Variants in AADACL4 observed in about 807,000 individuals in gnomAD.
AADACL4 encodes the protein arylacetamide deacetylase-like 4.
AADACL4 carries 9 observed loss-of-function variants against 14.1 expected under a neutral mutation model. That is an observed-to-expected ratio of 0.64 (90% CI 0.39 to 1.12). AADACL4 has a LOEUF of 1.12. Ranked by LOEUF, AADACL4 falls within the 50% of genes most tolerant of loss-of-function variation. The probability of loss-of-function intolerance (pLI) is 0.01; values close to 1 mark genes in which losing one functional copy is unlikely to be tolerated. For missense variants in AADACL4, 531 were observed against 516.1 expected (o/e 1.03, Z -0.28); for synonymous variants, 188 against 201.6 (o/e 0.93, Z 0.57).
At chr1:12,651,091 A>G in intron 1 of AADACL4, 32 bp from the exon 2 acceptor site, 4 of 1,593,644 alleles carry the variant, frequency 2.5e-6, no homozygotes, top group Non-Finnish European at 2.6e-6. Context: ...AACCTCTCCT[A>G]ACGTCTGGCT....
chr1:12,657,909 A>T (rs910828296), intron 2 of AADACL4, among the ~76,000 whole-genome samples: 1 of 152,080 alleles, frequency 6.6e-6, no homozygotes, highest in Non-Finnish European at 1.5e-5. Context: ...GGGTTTTATC[A>T]GTCTCTAGCT....
chr1:12,647,324 C>T (rs985429984), intron 1 of AADACL4, among the ~76,000 whole-genome samples: 3 of 152,046 alleles, frequency 2.0e-5, no homozygotes, highest in African/African-American at 7.2e-5. Context: ...ATCTTAAACT[C>T]CTGGATTCAA....
At chr1:12,658,139 CCTTTCTTT>C (rs1191457132) in intron 2 of AADACL4, among the ~76,000 whole-genome samples, 58 of 84,930 alleles carry the variant, frequency 6.8e-4, no homozygotes, top group Non-Finnish European at 9.6e-4. Flanking sequence ...TTCCTTCCTT[CCTTTCTTT>C]CTTTCTTTCT....
In AADACL4 at chr1:12,666,107, T is replaced by G. The variant is rs1382296760; in HGVS notation, c.596T>G (p.Val199Gly). Residue 199 changes from valine to glycine, a missense_variant, in exon 4 of 4, where the codon GTG (valine) becomes GGG (glycine). Coordinates refer to ENST00000376221, the MANE Select transcript of AADACL4 (RefSeq NM_001013630.2). Reference protein sequence around the residue: ...VCGESVGGAAVAAITQALVGR... With the variant: ...VCGESVGGAAGAAITQALVGR... ...GGAGAAAGCGTCGGAGGTGCAGCGGTGGCCGCCATCACCCAGGCCTTGGTG... is the reference window on the plus strand; with the variant it reads ...GGAGAAAGCGTCGGAGGTGCAGCGGGGGCCGCCATCACCCAGGCCTTGGTG... 1 of 1,614,104 alleles carries G rather than the reference T, an allele frequency of 6.2e-7. No individual in the cohort carries two copies. Among genetic ancestry groups the G allele is most frequent in the Non-Finnish European group, 8.5e-7 (1 of 1,180,042 alleles).
chr1:12,644,738 CG>C, intron 1 of AADACL4, 24 bp downstream of exon 1: 1 of 1,610,348 alleles, frequency 6.2e-7, no homozygotes, highest in South Asian at 1.1e-5. Context: ...CAGGCCACGT[CG>C]TAACCTGGGG....
Position 12,666,461 on chromosome 1 carries a change from A to T in AADACL4, c.950A>T (p.His317Leu). ...FNEAAYLEAK[H>L]MLDVENSPLI... ...GAAGCTGCCTATCTAGAAGCCAAAC[A>T]TATGCTGGATGTAGAAAATTCACCC... is the stretch of plus-strand genomic sequence containing the variant. The change falls in exon 4 of 4, where the codon CAT becomes CTT. Residue 317 changes from histidine to leucine, a missense_variant. His to Leu is a moderately conservative substitution (Grantham distance 99, BLOSUM62 -3). Coordinates refer to ENST00000376221, the MANE Select transcript of AADACL4 (RefSeq NM_001013630.2). 1 of 1,614,170 alleles carries T rather than the reference A, an allele frequency of 6.2e-7. No individual in the cohort carries two copies. Among genetic ancestry groups the T allele is most frequent in the Non-Finnish European group, 8.5e-7 (1 of 1,180,026 alleles).
intron 2 of AADACL4, among the ~76,000 whole-genome samples, chr1:12,657,140 C>CAAA (rs59777423): frequency 0.027 from 1,402 of 51,052 alleles, 63 homozygotes; most frequent in African/African-American, 0.08. Flanking sequence ...AAGACTGTCT[C>CAAA]AAAAAAAAAA....
In AADACL4 at chr1:12,651,292, G is replaced by C; in HGVS notation, c.338G>C (p.Arg113Pro). ...QPKAASSRPRRGIIFYHGGAT... is the reference protein window; with the variant it reads ...QPKAASSRPRPGIIFYHGGAT... ...AAGGCAGCATCCTCCAGACCCCGGC[G>C]AGGCATCATCTTCTACCATGGAGGG... The change falls in exon 2 of 4, where the codon CGA becomes CCA. Residue 113 changes from arginine to proline, a missense_variant. Coordinates refer to ENST00000376221, the MANE Select transcript of AADACL4 (RefSeq NM_001013630.2). The C allele has an allele frequency of 6.2e-7, 1 of 1,614,216 alleles. No individual in the cohort carries two copies. The highest frequency in any genetic ancestry group is 8.5e-7 in the Non-Finnish European group (1 of 1,180,046).
At chr1:12,662,658 G>C (rs530796045) in intron 3 of AADACL4, among the ~76,000 whole-genome samples, 112 of 152,256 alleles carry the variant, frequency 7.4e-4, no homozygotes, top group African/African-American at 2.6e-3. Context: ...AGGCCAGCGA[G>C]AGAAATTAAA....
At chr1:12,661,968 A>G (rs1647235674) in intron 3 of AADACL4, 114 bp downstream of exon 3, 10 of 1,149,524 alleles carry the variant, frequency 8.7e-6, no homozygotes, top group African/African-American at 1.5e-5. Flanking sequence ...ACTCTTGGAC[A>G]TGCATCCACA....
At chr1:12,665,731 G>C (rs1344029688) in intron 3 of AADACL4, among the ~76,000 whole-genome samples, 1 of 152,166 alleles carries the variant, frequency 6.6e-6, no homozygotes, top group African/African-American at 2.4e-5. Context: ...TAGAGTTTAC[G>C]GGAAGCTGAC....
At chr1:12,664,514 C>A (rs902134172) in intron 3 of AADACL4, among the ~76,000 whole-genome samples, 3 of 151,872 alleles carry the variant, frequency 2.0e-5, no homozygotes, top group African/African-American at 7.3e-5. Context: ...TTACAGGCTC[C>A]CACCACCACA....
intron 2 of AADACL4, among the ~76,000 whole-genome samples, chr1:12,653,667 C>A (rs1428951067): frequency 1.3e-5 from 2 of 152,188 alleles, no homozygotes; most frequent in Non-Finnish European, 2.9e-5. Flanking sequence ...AAAACCTTGG[C>A]ACACCCAGGA....
chr1:12,646,731 C>T (rs146858365), intron 1 of AADACL4, among the ~76,000 whole-genome samples: 6 of 152,334 alleles, frequency 3.9e-5, no homozygotes, highest in African/African-American at 7.2e-5. Flanking sequence ...CTGCTATGGG[C>T]TGTTCACAGG....
At chr1:12,661,410 C>T (rs768581261) in intron 2 of AADACL4, among the ~76,000 whole-genome samples, 4 of 152,182 alleles carry the variant, frequency 2.6e-5, no homozygotes, top group African/African-American at 7.2e-5. Context: ...AGAAACATCC[C>T]GTCCAACCCT....
intron 2 of AADACL4, among the ~76,000 whole-genome samples, chr1:12,657,890 G>A (rs1049837968): frequency 6.6e-6 from 1 of 152,046 alleles, no homozygotes; most frequent in East Asian, 1.9e-4. Context: ...CCAACACCCT[G>A]GCTTTTCAGG....
chr1:12,649,239 C>A (rs2100758354), intron 1 of AADACL4, among the ~76,000 whole-genome samples: 1 of 152,312 alleles, frequency 6.6e-6, no homozygotes, highest in African/African-American at 2.4e-5. Flanking sequence ...GTGAACATGA[C>A]TCTTGAGCCT....
chr1:12,644,412 C>A lies in AADACL4; in HGVS notation c.-135C>A, dbSNP rs780562671. On this transcript the variant is annotated 5_prime_UTR_variant, in exon 1 of 4. Transcript: ENST00000376221. Reference sequence around the variant, plus strand: ...GCTTACCCTGAGAAGCTGTGTCAGGCCACTGTGTCAGGTGTCAGGCTTAGC... The same window carrying A: ...GCTTACCCTGAGAAGCTGTGTCAGGACACTGTGTCAGGTGTCAGGCTTAGC... 2.0e-6 allele frequency: 2 copies of A among 981,462 alleles called. No individual in the cohort carries two copies. Among genetic ancestry groups the A allele is most frequent in the Non-Finnish European group, 3.0e-6 (2 of 672,998 alleles). The allele number at this position is 981,462 out of a possible 1,614,324, so 60.8% of individuals were successfully genotyped here.
chr1:12,649,061 G>A (rs965696850), intron 1 of AADACL4, among the ~76,000 whole-genome samples: 5 of 151,866 alleles, frequency 3.3e-5, no homozygotes, highest in Non-Finnish European at 5.9e-5. Context: ...AAACATGGGT[G>A]ATCAGATCCA....
Sources: gnomAD v4.1 joint callset for allele counts (sites outside exome capture counted in the v4.1 genomes callset) on GRCh38, gnomAD v4.1.1 for gene constraint, MANE v1.5 for transcripts, NCBI Gene and HGNC (gene_info 2026-07-23, HGNC 2026-07-21) for gene names.